Variants in LDLRAD4 observed in about 807,000 individuals in gnomAD.
The protein encoded by LDLRAD4 is low density lipoprotein receptor class A domain containing 4.
Under a neutral mutation model 17.0 loss-of-function variants are expected in LDLRAD4, and 5 were observed. The observed-to-expected ratio is 0.29, with a 90% confidence interval of 0.15 to 0.62. The LOEUF (loss-of-function observed/expected upper bound fraction) is 0.62. Ranked by LOEUF, LDLRAD4 falls within the 20% of genes least tolerant of loss-of-function variation. LDLRAD4 has a pLI of 0.84. For missense variants in LDLRAD4, 340 were observed against 424.7 expected (o/e 0.80, Z 1.75); for synonymous variants, 168 against 171.8 (o/e 0.98, Z 0.17).
intron 3 of LDLRAD4, among the ~76,000 whole-genome samples, chr18:13,529,424 A>G (rs2094092365): frequency 6.6e-6 from 1 of 152,264 alleles, no homozygotes; most frequent in Non-Finnish European, 1.5e-5. Context: ...GTCATCCACA[A>G]GTAGAAAATG....
At chr18:13,630,124 C>T (rs969312128) in intron 4 of LDLRAD4, among the ~76,000 whole-genome samples, 5 of 152,214 alleles carry the variant, frequency 3.3e-5, no homozygotes, top group African/African-American at 7.2e-5. Context: ...TGCTTTTCCC[C>T]GCTAGCCCAT....
At chr18:13,640,841 AAG>A (rs1361278423) in intron 4 of LDLRAD4, among the ~76,000 whole-genome samples, 2 of 152,206 alleles carry the variant, frequency 1.3e-5, no homozygotes, top group Non-Finnish European at 2.9e-5. Context: ...GGGAACGGAG[AAG>A]AGGGGCACCT....
At chr18:13,379,729 A>G (rs1357455251) in intron 1 of LDLRAD4, among the ~76,000 whole-genome samples, 1 of 152,246 alleles carries the variant, frequency 6.6e-6, no homozygotes, top group Non-Finnish European at 1.5e-5. Flanking sequence ...GTGAGCTGAC[A>G]GCAAGGAGTG....
intron 3 of LDLRAD4, among the ~76,000 whole-genome samples, chr18:13,457,008 C>A (rs2092171405): frequency 6.6e-6 from 1 of 152,262 alleles, no homozygotes; most frequent in South Asian, 2.1e-4. Flanking sequence ...AGAGAACAGT[C>A]ATCCACATAG....
chr18:13,423,417 C>T (rs1159109308), intron 2 of LDLRAD4, among the ~76,000 whole-genome samples: 2 of 151,548 alleles, frequency 1.3e-5, no homozygotes, highest in Non-Finnish European at 2.9e-5. Flanking sequence ...CTCTTGAACC[C>T]GGGAGGCAGA....
intron 3 of LDLRAD4, among the ~76,000 whole-genome samples, chr18:13,540,017 C>T (rs150472739): frequency 1.1e-3 from 170 of 152,220 alleles, no homozygotes; most frequent in African/African-American, 3.9e-3. Flanking sequence ...GGGTTGGGGC[C>T]GATGGAGCCA....
chr18:13,529,288 G>C (rs767602110), intron 3 of LDLRAD4, among the ~76,000 whole-genome samples: 1 of 152,220 alleles, frequency 6.6e-6, no homozygotes, highest in Non-Finnish European at 1.5e-5. Flanking sequence ...GGAGATTCAG[G>C]TTCTCTCTTT....
At chr18:13,527,429 T>C (rs1228376050) in intron 3 of LDLRAD4, among the ~76,000 whole-genome samples, 1 of 152,220 alleles carries the variant, frequency 6.6e-6, no homozygotes, top group Non-Finnish European at 1.5e-5. Flanking sequence ...CTTATGGTGC[T>C]GGCCTGGGCC....
chr18:13,597,387 G>C (rs2095108171), intron 3 of LDLRAD4, among the ~76,000 whole-genome samples: 1 of 151,844 alleles, frequency 6.6e-6, no homozygotes, highest in South Asian at 2.1e-4. Context: ...CCTGTTTTTT[G>C]GTCTCTTTGA....
intron 3 of LDLRAD4, among the ~76,000 whole-genome samples, chr18:13,466,492 A>C (rs2092620627): frequency 6.7e-6 from 1 of 150,110 alleles, no homozygotes; most frequent in Non-Finnish European, 1.5e-5. Flanking sequence ...AAAAAAAGGA[A>C]AATCAAACAA....
intron 1 of LDLRAD4, chr18:13,240,106 ATTAG>A (rs1221134984): frequency 1.3e-5 from 2 of 152,240 alleles, no homozygotes; most frequent in Non-Finnish European, 2.9e-5. Context: ...CTCATTGCAC[ATTAG>A]TTAAATAACT....
At chr18:13,528,805 C>T (rs1381921813) in intron 3 of LDLRAD4, among the ~76,000 whole-genome samples, 6 of 152,208 alleles carry the variant, frequency 3.9e-5, no homozygotes, top group East Asian at 3.8e-4. Flanking sequence ...TGCATAGCAG[C>T]GTTCCCCCAA....
chr18:13,570,198 A>G (rs2094668133), intron 3 of LDLRAD4, among the ~76,000 whole-genome samples: 1 of 152,230 alleles, frequency 6.6e-6, no homozygotes, highest in African/African-American at 2.4e-5. Context: ...CAGGCAAGGA[A>G]GAAGGACAGA....
intron 1 of LDLRAD4, among the ~76,000 whole-genome samples, chr18:13,363,339 A>G (rs2083826651): frequency 6.6e-6 from 1 of 150,388 alleles, no homozygotes; most frequent in African/African-American, 2.5e-5. Context: ...CTCAAAAAAA[A>G]AAAAAAAAAA....
intron 2 of LDLRAD4, among the ~76,000 whole-genome samples, chr18:13,418,724 T>A (rs1222924252): frequency 6.6e-6 from 1 of 152,208 alleles, no homozygotes; most frequent in East Asian, 1.9e-4. Flanking sequence ...GCTTGCAAGT[T>A]TGGTTTCTGA....
chr18:13,445,811 A>AGT (rs893334231), intron 3 of LDLRAD4, among the ~76,000 whole-genome samples: 1 of 146,416 alleles, frequency 6.8e-6, no homozygotes, highest in South Asian at 2.2e-4. Flanking sequence ...TATGTGCATG[A>AGT]GTGTGTGTGT....
chr18:13,631,247 A>G (rs2041638496), intron 4 of LDLRAD4, among the ~76,000 whole-genome samples: 1 of 152,256 alleles, frequency 6.6e-6, no homozygotes, highest in African/African-American at 2.4e-5. Context: ...AATTGTATGC[A>G]AACCAATTGG....
intron 3 of LDLRAD4, among the ~76,000 whole-genome samples, chr18:13,549,932 C>T (rs368012118): frequency 6.6e-6 from 1 of 152,292 alleles, no homozygotes. Flanking sequence ...GTCTTCATTT[C>T]TCTGAGCTGC....
rs774647583 is a variant in LDLRAD4, at chr18:13,645,606, C to T, written c.870C>T (p.Ser290=). ...AGTTTCAGCAGAACAATGCAGAGAG[C>T]ACAATAGTACCCATCAAAGGCAAAG... Residue 290 remains serine (S), a synonymous_variant, in exon 6 of 6, where the codon AGC becomes AGT. Coordinates refer to ENST00000359446, the Ensembl canonical transcript of LDLRAD4. This position sits in a 1 kb window ranked among gnomAD's most constrained non-coding sequence, Gnocchi z 5.7. 10 of 1,538,264 alleles carry T rather than the reference C, an allele frequency of 6.5e-6. No homozygotes were observed. Among genetic ancestry groups the T allele is most frequent in the African/African-American group, 2.8e-5 (2 of 72,222 alleles).
Sources: allele counts gnomAD v4.1 joint callset (sites outside exome capture counted in the v4.1 genomes callset), GRCh38; gene constraint gnomAD v4.1.1; non-coding constraint Gnocchi (gnomAD v3.1); transcripts MANE v1.5; gene names NCBI Gene and HGNC (gene_info 2026-07-23, HGNC 2026-07-21).